Variants in CCDC171 observed in about 807,000 individuals in gnomAD.
The protein encoded by CCDC171 is coiled-coil domain-containing protein 171.
A neutral mutation model predicts 168.2 loss-of-function variants in CCDC171; 177 were observed. That is an observed-to-expected ratio of 1.05 (90% CI 0.93 to 1.19). The LOEUF is 1.19. Among genes scored for constraint, CCDC171 ranks in the 50% most tolerant of loss-of-function variants. The pLI is 0.00. For synonymous variants in CCDC171, 687 were observed against 540.8 expected (o/e 1.27, Z -3.75); for missense variants, 1,991 against 1,539.0 (o/e 1.29, Z -4.91).
intron 25 of CCDC171, among the ~76,000 whole-genome samples, chr9:15,961,455 C>G: frequency 6.6e-6 from 1 of 152,136 alleles, no homozygotes. Flanking sequence ...TAAGTAGCCA[C>G]TCTGCATAAG....
intron 18 of CCDC171, among the ~76,000 whole-genome samples, chr9:15,754,117 A>G (rs2055938811): frequency 1.3e-5 from 2 of 152,198 alleles, no homozygotes; most frequent in African/African-American, 4.8e-5. Flanking sequence ...GTAGTTATGA[A>G]GAGAGAATAA....
the CCDC171 span, among the ~76,000 whole-genome samples, chr9:16,075,596 C>T: frequency 6.6e-6 from 1 of 152,118 alleles, no homozygotes; most frequent in Non-Finnish European, 1.5e-5. Flanking sequence ...ACTCAAATCC[C>T]ACTCCTAAAG....
chr9:15,913,492 T>C (rs10962215), intron 24 of CCDC171, among the ~76,000 whole-genome samples: 53,091 of 152,076 alleles, frequency 0.35, 11,558 homozygotes, highest in East Asian at 0.63. Context: ...CCTGGATTCA[T>C]TGAGTTTTTG....
chr9:15,676,233 T>C (rs928247566), intron 9 of CCDC171, among the ~76,000 whole-genome samples: 6 of 152,188 alleles, frequency 3.9e-5, no homozygotes, highest in Non-Finnish European at 8.8e-5. Context: ...TCAGGTCATT[T>C]AAGTTCTTCT....
intron 10 of CCDC171, among the ~76,000 whole-genome samples, chr9:15,685,518 C>G (rs1331474864): frequency 6.6e-6 from 1 of 151,992 alleles, no homozygotes; most frequent in Admixed American, 6.6e-5. Flanking sequence ...GCCTGTAGTT[C>G]TAGCTACTTG....
chr9:15,593,943 C>G (rs2042162960), intron 5 of CCDC171, 98 bp from the exon 6 acceptor site: 1 of 744,116 alleles, frequency 1.3e-6, no homozygotes, highest in African/African-American at 1.8e-5. Context: ...GTTTTAACAT[C>G]TATAGGTAAG....
At chr9:15,831,853 G>C (rs1366148122) in intron 21 of CCDC171, among the ~76,000 whole-genome samples, 1 of 150,712 alleles carries the variant, frequency 6.6e-6, no homozygotes, top group African/African-American at 2.5e-5. Flanking sequence ...ATTTTTCCTG[G>C]TAGCCTGAAT....
At chr9:15,840,860 T>G (rs2060649616) in intron 21 of CCDC171, among the ~76,000 whole-genome samples, 2 of 152,270 alleles carry the variant, frequency 1.3e-5, no homozygotes, top group South Asian at 4.1e-4. Context: ...ACAAAGAGTT[T>G]TGTGCTTTAT....
intron 21 of CCDC171, among the ~76,000 whole-genome samples, chr9:15,831,728 T>A (rs1431806853): frequency 6.6e-6 from 1 of 152,174 alleles, no homozygotes; most frequent in Admixed American, 6.5e-5. Context: ...TTCAGACTCC[T>A]GACAGATCTT....
At chr9:15,823,047 A>T (rs2059858964) in intron 21 of CCDC171, among the ~76,000 whole-genome samples, 1 of 152,176 alleles carries the variant, frequency 6.6e-6, no homozygotes, top group Non-Finnish European at 1.5e-5. Context: ...GACATGGATG[A>T]AGCTGGAAAC....
chr9:15,804,910 T>A, intron 21 of CCDC171, among the ~76,000 whole-genome samples: 1 of 152,120 alleles, frequency 6.6e-6, no homozygotes, highest in East Asian at 1.9e-4. Flanking sequence ...GGTAGGCTAT[T>A]TATTACTGCC....
At chr9:15,929,587 T>G (rs1826267831) in intron 25 of CCDC171, among the ~76,000 whole-genome samples, 1 of 151,786 alleles carries the variant, frequency 6.6e-6, no homozygotes. Context: ...TTGCTAAGCC[T>G]TACTGTTTCT....
rs1397554882 is a variant in CCDC171, at chr9:15,815,344, T to C, written c.3267+30650T>C. On this transcript the variant is annotated intron_variant, in intron 21 of 25. Transcript: ENST00000380701. ...TCTCCATTCTCAAAAGTTAATTACA[T>C]TTAGACCATGCATGGGGAAGAAGAA... 1.2e-4 allele frequency among the ~76,000 whole-genome samples: 6 copies of C among 49,082 alleles called. 2 individuals carry two copies. The highest frequency in any genetic ancestry group is 4.6e-4 in the African/African-American group (6 of 13,038). The allele number at this position is 49,082 out of a possible 152,430, so 32.2% of individuals were successfully genotyped here. A position where few individuals can be genotyped will look rare whatever the true frequency, so the allele number is the denominator to read the frequency against.
intron 23 of CCDC171, among the ~76,000 whole-genome samples, chr9:15,849,755 G>T (rs1033105094): frequency 2.0e-5 from 3 of 151,688 alleles, no homozygotes; most frequent in African/African-American, 7.3e-5. Flanking sequence ...GAATAACCTT[G>T]TGAATCAATT....
At chr9:15,838,491 A>G (rs546794642) in intron 21 of CCDC171, among the ~76,000 whole-genome samples, 2 of 152,230 alleles carry the variant, frequency 1.3e-5, no homozygotes, top group African/African-American at 2.4e-5. Context: ...GCCTTCTATT[A>G]CAATAGTTGG....
At chr9:15,838,153 G>A (rs1376015869) in intron 21 of CCDC171, among the ~76,000 whole-genome samples, 4 of 152,016 alleles carry the variant, frequency 2.6e-5, no homozygotes, top group Non-Finnish European at 5.9e-5. Flanking sequence ...TAGAATGTGC[G>A]TTTATAGGAA....
At chr9:15,822,762 T>C (rs1423171559) in intron 21 of CCDC171, among the ~76,000 whole-genome samples, 1 of 152,172 alleles carries the variant, frequency 6.6e-6, no homozygotes, top group African/African-American at 2.4e-5. Flanking sequence ...TCAACCATTG[T>C]GGAAGTCAGT....
chr9:15,750,763 T>C (rs1222394499), intron 18 of CCDC171, among the ~76,000 whole-genome samples: 2 of 152,170 alleles, frequency 1.3e-5, no homozygotes, highest in Non-Finnish European at 2.9e-5. Flanking sequence ...AAACTAGGTA[T>C]TGATGGAACG....
the CCDC171 span, among the ~76,000 whole-genome samples, chr9:16,102,210 A>G: frequency 1.3e-5 from 2 of 152,138 alleles, no homozygotes; most frequent in African/African-American, 4.8e-5. Context: ...GAGCAGGGCT[A>G]GAAGGGAAAT....
Sources: allele counts gnomAD v4.1 joint callset (sites outside exome capture counted in the v4.1 genomes callset), GRCh38; gene constraint gnomAD v4.1.1; transcripts MANE v1.5; gene names NCBI Gene and HGNC (gene_info 2026-07-23, HGNC 2026-07-21).